The following FNDC1 variants were observed in gnomAD, a reference collection of about 807,000 sequenced individuals.
The protein encoded by FNDC1 is fibronectin type III domain-containing protein 1.
Under a neutral mutation model 168.0 loss-of-function variants are expected in FNDC1, and 96 were observed. The observed-to-expected ratio is 0.57, with a 90% CI of 0.48 to 0.68. The LOEUF (loss-of-function observed/expected upper bound fraction) is 0.68. Ranked by LOEUF, FNDC1 falls within the 30% of genes least tolerant of loss-of-function variation. FNDC1 has a pLI of 0.00. For synonymous variants in FNDC1, 1,099 were observed against 1,025.9 expected, an observed-to-expected ratio of 1.07 and a Z score of -1.36; for missense variants, 2,587 against 2,482.1, an observed-to-expected ratio of 1.04 and a Z score of -0.90.
intron 4 of FNDC1, among the ~76,000 whole-genome samples, chr6:159,203,560 G>A (rs373529272): frequency 6.6e-6 from 1 of 152,142 alleles, no homozygotes; most frequent in Non-Finnish European, 1.5e-5. Flanking sequence ...CTCCTCTTGT[G>A]TTGCTCATCT....
At chr6:159,171,877 CA>C (rs1350171221) in intron 1 of FNDC1, among the ~76,000 whole-genome samples, 7 of 152,118 alleles carry the variant, frequency 4.6e-5, no homozygotes, top group African/African-American at 1.7e-4. Context: ...TTTTCCATGT[CA>C]AAACTATTTT....
At chr6:159,259,669 A>T (rs1777445447) in intron 18 of FNDC1, among the ~76,000 whole-genome samples, 1 of 152,214 alleles carries the variant, frequency 6.6e-6, no homozygotes, top group Non-Finnish European at 1.5e-5. Context: ...CTGCCTGCAG[A>T]GTTTTGCCTT....
intron 4 of FNDC1, among the ~76,000 whole-genome samples, chr6:159,205,750 G>A (rs1782473714): frequency 6.6e-6 from 1 of 152,216 alleles, no homozygotes; most frequent in Non-Finnish European, 1.5e-5. Flanking sequence ...TTTAATGAAT[G>A]ATGCTAAGCT....
rs1273698835 is a variant in FNDC1 at position 159,175,419 on chromosome 6, T to A, written c.109+5714T>A. On this transcript the variant is annotated intron_variant, in intron 1 of 22. Transcript: ENST00000297267. ...CCCACACTCTCCCTGCAGACACCCCTGTTCTGGTTGGTTTGAGCTTTTACT... is the reference window on the plus strand; with the variant it reads ...CCCACACTCTCCCTGCAGACACCCCAGTTCTGGTTGGTTTGAGCTTTTACT... 2.0e-5 allele frequency among the ~76,000 whole-genome samples: 3 copies of A among 152,198 alleles called. No homozygotes were observed. In the East Asian group the frequency reaches 5.8e-4, roughly 29 times the overall value.
intron 1 of FNDC1, among the ~76,000 whole-genome samples, chr6:159,191,494 C>G (rs1782138498): frequency 6.6e-6 from 1 of 152,196 alleles, no homozygotes; most frequent in African/African-American, 2.4e-5. Context: ...CTCATTAACT[C>G]AGAAAATATT....
chr6:159,212,744 TA>T (rs1185335947), intron 4 of FNDC1, among the ~76,000 whole-genome samples: 1 of 152,240 alleles, frequency 6.6e-6, no homozygotes, highest in East Asian at 1.9e-4. Context: ...ATGTAATGCC[TA>T]CTGGGCAAAG....
chr6:159,215,476 T>C (rs576475776), intron 5 of FNDC1, among the ~76,000 whole-genome samples: 1 of 152,312 alleles, frequency 6.6e-6, no homozygotes, highest in Non-Finnish European at 1.5e-5. Flanking sequence ...TGTCATTTTG[T>C]TCTTTGAAGC....
intron 14 of FNDC1, 26 bp from the exon 15 acceptor site, chr6:159,246,875 C>T (rs375682541): frequency 7.3e-5 from 114 of 1,564,064 alleles, no homozygotes; most frequent in Non-Finnish European, 1.0e-4. Context: ...CGCTGGATGA[C>T]TGGTCCTTTT....
At chr6:159,255,974 G>C (rs1225430330) in intron 17 of FNDC1, among the ~76,000 whole-genome samples, 7 of 152,210 alleles carry the variant, frequency 4.6e-5, no homozygotes, top group Non-Finnish European at 1.0e-4. Context: ...CTGCCTCACT[G>C]CTGTGATTAG....
chr6:159,264,116 G>A (rs1777545831), intron 19 of FNDC1, among the ~76,000 whole-genome samples: 1 of 152,228 alleles, frequency 6.6e-6, no homozygotes, highest in South Asian at 2.1e-4. Flanking sequence ...TACTTGAAGT[G>A]TACATCTTAA....
chr6:159,236,404 G>T, intron 12 of FNDC1, 89 bp downstream of exon 12: 2 of 834,092 alleles, frequency 2.4e-6, no homozygotes, highest in Non-Finnish European at 2.0e-6. Flanking sequence ...AAATGAAGTG[G>T]TCTTTGTTTG....
At chr6:159,228,521 T>C (rs750880827) in intron 9 of FNDC1, among the ~76,000 whole-genome samples, 2 of 150,870 alleles carry the variant, frequency 1.3e-5, no homozygotes, top group Non-Finnish European at 2.9e-5. Flanking sequence ...AGACAAATGC[T>C]GCAAAAGCAT....
intron 5 of FNDC1, among the ~76,000 whole-genome samples, chr6:159,221,264 A>G (rs1483394341): frequency 1.3e-5 from 2 of 152,154 alleles, no homozygotes; most frequent in Non-Finnish European, 2.9e-5. Context: ...TAAACGTGTT[A>G]TTCTTTTCTT....
intron 2 of FNDC1, among the ~76,000 whole-genome samples, chr6:159,198,175 G>A (rs535234486): frequency 6.6e-6 from 1 of 152,210 alleles, no homozygotes; most frequent in Non-Finnish European, 1.5e-5. Flanking sequence ...TGCAGATGTA[G>A]TTGGTTTTGG....
chr6:159,268,986 CTATT>C (rs1201525243), intron 22 of FNDC1, among the ~76,000 whole-genome samples: 1 of 121,408 alleles, frequency 8.2e-6, no homozygotes, highest in Non-Finnish European at 1.7e-5. Context: ...ATCCATGTAT[CTATT>C]TATCCATCCA....
intron 1 of FNDC1, among the ~76,000 whole-genome samples, chr6:159,173,776 G>A (rs376826161): frequency 9.2e-5 from 14 of 152,220 alleles, no homozygotes; most frequent in African/African-American, 2.6e-4. Context: ...TGAAATGTGC[G>A]GTACTGGGCA....
chr6:159,216,319 G>A (rs967949404), intron 5 of FNDC1, among the ~76,000 whole-genome samples: 17 of 152,308 alleles, frequency 1.1e-4, no homozygotes, highest in African/African-American at 3.8e-4. Flanking sequence ...CATCACACAG[G>A]CCATCCTCCC....
intron 19 of FNDC1, among the ~76,000 whole-genome samples, chr6:159,262,143 G>A (rs1378291595): frequency 1.3e-5 from 2 of 152,068 alleles, no homozygotes; most frequent in Non-Finnish European, 2.9e-5. Context: ...GTCTAATGTA[G>A]CACATGCAGA....
At chr6:159,260,755 G>T (rs1409186527) in intron 18 of FNDC1, among the ~76,000 whole-genome samples, 1 of 152,202 alleles carries the variant, frequency 6.6e-6, no homozygotes, top group Non-Finnish European at 1.5e-5. Context: ...TTTGAATTCT[G>T]CTTTGTAGTG....
Sources: gnomAD v4.1 joint callset for allele counts (sites outside exome capture counted in the v4.1 genomes callset) on GRCh38, gnomAD v4.1.1 for gene constraint, MANE v1.5 for transcripts, NCBI Gene and HGNC (gene_info 2026-07-23, HGNC 2026-07-21) for gene names.